The following NAALADL2 variants were observed in gnomAD, a reference collection of about 807,000 sequenced individuals.
NAALADL2 encodes the protein inactive N-acetylated-alpha-linked acidic dipeptidase-like protein 2.
NAALADL2 carries 76 observed loss-of-function variants against 87.2 expected under a neutral mutation model. That is an observed-to-expected ratio of 0.87 (90% CI 0.72 to 1.05). The LOEUF is 1.05. Ranked by LOEUF, NAALADL2 falls within the 50% of genes least tolerant of loss-of-function variation. The pLI is 0.00. For missense variants in NAALADL2, 1,089 were observed against 945.8 expected (o/e 1.15, Z -1.99); for synonymous variants, 354 against 331.0 (o/e 1.07, Z -0.75).
chr3:174,735,498 C>CT (rs1274974130), intron 2 of NAALADL2, among the ~76,000 whole-genome samples: 1 of 152,044 alleles, frequency 6.6e-6, no homozygotes, highest in Non-Finnish European at 1.5e-5. Flanking sequence ...TTGTTTAATC[C>CT]TTTTTTCCCA....
rs182742678 is a variant in NAALADL2, at chr3:174,679,508, C to A, written c.-114-58133C>A. Reference sequence around the variant, plus strand: ...AACATTAAATTATGTATGTGGGTTACATCTGTGGCTCACATTGTATTTCTA... The same window carrying A: ...AACATTAAATTATGTATGTGGGTTAAATCTGTGGCTCACATTGTATTTCTA... On this transcript the variant is annotated intron_variant, in intron 2 of 3. Transcript: ENST00000434257. 5.3e-5 allele frequency among the ~76,000 whole-genome samples: 8 copies of A among 152,238 alleles called. No homozygotes were observed. In the East Asian group the frequency reaches 1.5e-3, roughly 29 times the overall value.
chr3:174,685,309 C>T (rs996449731), intron 2 of NAALADL2, among the ~76,000 whole-genome samples: 3 of 152,004 alleles, frequency 2.0e-5, no homozygotes, highest in East Asian at 1.9e-4. Context: ...ATCTCATCAT[C>T]ATCTTGATTC....
At position 174,752,118 on chromosome 3, in the gene NAALADL2, T is replaced by C. The variant is rs1368893199; in HGVS notation, c.-9+14372T>C. On this transcript the variant is annotated intron_variant, in intron 3 of 3. Transcript: ENST00000434257. ...TCAGCCTCTCGAGTAGCTGGGACTATAGGCGCCCGCCACCATGCCCGGCTA... is the reference window on the plus strand; with the variant it reads ...TCAGCCTCTCGAGTAGCTGGGACTACAGGCGCCCGCCACCATGCCCGGCTA... Among the ~76,000 whole-genome samples, 6 of 151,840 alleles carry C rather than the reference T, an allele frequency of 4.0e-5. No individual in the cohort carries two copies. The South Asian group carries it at 8.3e-4, about 21-fold the overall frequency.
At position 174,591,415 on chromosome 3, in the gene NAALADL2, A is replaced by G. The variant is rs550668140; in HGVS notation, c.-115+40778A>G. Among the ~76,000 whole-genome samples the G allele has an allele frequency of 9.2e-5, 14 of 152,342 alleles. No homozygotes were observed. The South Asian group carries it at 2.7e-3, about 29-fold the overall frequency. On this transcript the variant is annotated intron_variant, in intron 2 of 3. Transcript: ENST00000434257. ...CAGTAATGTGTTAGTATGAGCATTC[A>G]ATATAACCATCTGCTATGGCATAAT...
rs114157256 is a variant in NAALADL2 at position 174,936,725 on chromosome 3, T to A, written c.43+77275T>A. On this transcript the variant is annotated intron_variant, in intron 1 of 13. Transcript: ENST00000454872. ...CCAAAGTCTGACTCTCTAGAGCAAG[T>A]GTAAGCAAACCGACAGTACTGACAG... is the stretch of plus-strand genomic sequence containing the variant. Among the ~76,000 whole-genome samples the A allele has an allele frequency of 3.9e-3, 593 of 152,240 alleles. 7 individuals are homozygous for A. The highest frequency in any genetic ancestry group is 0.014 in the African/African-American group (562 of 41,558).
At chr3:174,865,186 T>C (rs1726999893) in intron 1 of NAALADL2, among the ~76,000 whole-genome samples, 1 of 151,530 alleles carries the variant, frequency 6.6e-6, no homozygotes, top group African/African-American at 2.4e-5. Context: ...GTATATTGTG[T>C]CCAAAAAAAA....
intron 1 of NAALADL2, among the ~76,000 whole-genome samples, chr3:174,987,493 C>T (rs979826858): frequency 3.3e-5 from 4 of 120,404 alleles, no homozygotes; most frequent in Non-Finnish European, 6.4e-5. Context: ...GGCGTGAACC[C>T]GGGAGGCGGA....
chr3:175,214,229 T>C (rs569822576), intron 2 of NAALADL2, among the ~76,000 whole-genome samples: 6 of 152,258 alleles, frequency 3.9e-5, no homozygotes, highest in Admixed American at 6.5e-5. Context: ...ATTCAACTTA[T>C]AGTTTACATG....
intron 1 of NAALADL2, among the ~76,000 whole-genome samples, chr3:174,463,613 T>G (rs1716342854): frequency 6.7e-6 from 1 of 150,000 alleles, no homozygotes. Context: ...TTTTTTTTTT[T>G]TTTTTGAGAC....
At chr3:174,442,746 T>C (rs1714758952) in intron 1 of NAALADL2, among the ~76,000 whole-genome samples, 1 of 152,016 alleles carries the variant, frequency 6.6e-6, no homozygotes, top group Non-Finnish European at 1.5e-5. Context: ...ATAAGAAAAA[T>C]ATAAGGTGAA....
At chr3:175,105,104 G>A (rs1166068529) in intron 2 of NAALADL2, among the ~76,000 whole-genome samples, 1 of 152,136 alleles carries the variant, frequency 6.6e-6, no homozygotes. Flanking sequence ...TTAAAATACT[G>A]TAAAATACTG....
At chr3:175,563,507 C>T (rs1716618325) in intron 9 of NAALADL2, among the ~76,000 whole-genome samples, 1 of 152,170 alleles carries the variant, frequency 6.6e-6, no homozygotes, top group Non-Finnish European at 1.5e-5. Context: ...TCTAAGCCTA[C>T]TCTAAACTGG....
chr3:175,086,970 A>T (rs967772011), intron 1 of NAALADL2, among the ~76,000 whole-genome samples: 21 of 152,236 alleles, frequency 1.4e-4, no homozygotes, highest in African/African-American at 4.8e-4. Flanking sequence ...TGAATTTTGT[A>T]TTATTGAAAG....
intron 2 of NAALADL2, among the ~76,000 whole-genome samples, chr3:175,225,968 G>A (rs577150568): frequency 6.6e-6 from 1 of 152,186 alleles, no homozygotes; most frequent in East Asian, 1.9e-4. Context: ...TGTGTTGACA[G>A]TTTGTTATAT....
At chr3:175,353,363 T>C (rs573809741) in intron 5 of NAALADL2, among the ~76,000 whole-genome samples, 1 of 152,124 alleles carries the variant, frequency 6.6e-6, no homozygotes, top group Non-Finnish European at 1.5e-5. Context: ...ATAAAACATA[T>C]AATATTAGTA....
chr3:174,926,579 C>T lies in NAALADL2; in HGVS notation c.43+67129C>T, dbSNP rs575078999. The stretch of plus-strand genomic sequence containing the variant: ...CATTCTTAAAGAAAAGAATTTTCAA[C>T]CCAGAATTTCATATCCAGCCAAACT... On this transcript the variant is annotated intron_variant, in intron 1 of 13. Transcript: ENST00000454872. Among the ~76,000 whole-genome samples, 493 of 152,110 alleles carry T rather than the reference C, an allele frequency of 3.2e-3. 2 individuals carry two copies. Among genetic ancestry groups the T allele is most frequent in the African/African-American group, 0.011 (475 of 41,504 alleles).
At chr3:175,189,635 T>C (rs1320913295) in intron 2 of NAALADL2, among the ~76,000 whole-genome samples, 1 of 152,196 alleles carries the variant, frequency 6.6e-6, no homozygotes, top group East Asian at 1.9e-4. Flanking sequence ...TAAAGTGTGC[T>C]TACTATCCGA....
At position 175,774,365 on chromosome 3, in the gene NAALADL2, A is replaced by G. The variant is rs184965569; in HGVS notation, c.2189+18947A>G. Among the ~76,000 whole-genome samples, 7 of 152,182 alleles carry G rather than the reference A, an allele frequency of 4.6e-5. No homozygotes were observed. The East Asian group carries it at 1.2e-3, about 25-fold the overall frequency. ...GACTTATATGAATGTTAAGAAATAC[A>G]TTGTTATTTCAGACTTCCATTTCAT... On this transcript the variant is annotated intron_variant, in intron 13 of 13. Coordinates refer to ENST00000454872, the MANE Select transcript of NAALADL2 (RefSeq NM_207015.3).
intron 3 of NAALADL2, among the ~76,000 whole-genome samples, chr3:174,806,067 G>T (rs9682389): frequency 0.086 from 13,027 of 152,154 alleles, 596 homozygotes; most frequent in Middle Eastern, 0.16. Context: ...CTATACAAGT[G>T]TTCACTTTCT....
Sources: gnomAD v4.1 joint callset for allele counts (sites outside exome capture counted in the v4.1 genomes callset) on GRCh38, gnomAD v4.1.1 for gene constraint, MANE v1.5 for transcripts, NCBI Gene and HGNC (gene_info 2026-07-23, HGNC 2026-07-21) for gene names.